The following HEATR5B variants were observed in gnomAD, a reference collection of about 807,000 sequenced individuals.
HEATR5B encodes the protein HEAT repeat containing 5B, also known as HEAT repeat-containing protein 5B.
HEATR5B carries 156 observed loss-of-function variants against 224.1 expected under a neutral mutation model. That is an observed-to-expected ratio of 0.70 (90% confidence interval 0.61 to 0.80). The LOEUF (loss-of-function observed/expected upper bound fraction) is 0.80. Ranked by LOEUF, HEATR5B falls within the 30% of genes least tolerant of loss-of-function variation. HEATR5B has a pLI of 0.00. For missense variants in HEATR5B, 2,323 were observed against 2,535.5 expected, an observed-to-expected ratio of 0.92 and a Z score of 1.80; for synonymous variants, 1,027 against 893.0, an observed-to-expected ratio of 1.15 and a Z score of -2.68.
At chr2:36,994,449 T>A (rs1341159268) in intron 33 of HEATR5B, among the ~76,000 whole-genome samples, 1 of 152,168 alleles carries the variant, frequency 6.6e-6, no homozygotes, top group South Asian at 2.1e-4. Context: ...AGGATTTCCA[T>A]AATGGAAATA....
chr2:37,072,909 A>G (rs1162283615), intron 5 of HEATR5B, among the ~76,000 whole-genome samples: 1 of 152,258 alleles, frequency 6.6e-6, no homozygotes, highest in Non-Finnish European at 1.5e-5. Context: ...TTCACTCAAG[A>G]AGAAACAGAT....
At chr2:37,027,897 G>A in intron 24 of HEATR5B, 26 bp downstream of exon 24, 1 of 1,605,640 alleles carries the variant, frequency 6.2e-7, no homozygotes, top group Non-Finnish European at 8.5e-7. Flanking sequence ...AATGCTTTGG[G>A]GAAAAAGTAC....
Position 36,981,584 on chromosome 2 carries a change from G to C in HEATR5B, c.6122C>G (p.Ala2041Gly). The C allele has an allele frequency of 1.2e-6, 2 of 1,614,190 alleles. No homozygotes were observed. Among genetic ancestry groups the C allele is most frequent in the Non-Finnish European group, 1.7e-6 (2 of 1,180,028 alleles). The change falls in exon 36 of 36, where the codon GCA (alanine) becomes GGA (glycine). Residue 2041 changes from alanine (A) to glycine (G), a missense_variant. Coordinates refer to ENST00000233099, the MANE Select transcript of HEATR5B (RefSeq NM_019024.3). Reference sequence around the variant, plus strand: ...CGCTTTAGCTTTGCTCGCTTGGCTTGCTCGAACGGCAGTTTCTAGACGCAC... The same window carrying C: ...CGCTTTAGCTTTGCTCGCTTGGCTTCCTCGAACGGCAGTTTCTAGACGCAC... ...LKVRLETAVRASQASKAKAAA... is the reference protein window; with the variant it reads ...LKVRLETAVRGSQASKAKAAA...
intron 31 of HEATR5B, 62 bp downstream of exon 31, chr2:37,003,480 A>C (rs1205378444): frequency 8.2e-7 from 1 of 1,219,486 alleles, no homozygotes; most frequent in Non-Finnish European, 1.2e-6. Context: ...TGGCGTTAAT[A>C]TTTTAAAAAT....
chr2:37,007,356 T>C (rs772880993), intron 28 of HEATR5B, 52 bp from the exon 29 acceptor site: 1 of 1,481,202 alleles, frequency 6.8e-7, no homozygotes, highest in African/African-American at 1.5e-5. Context: ...TTTTTTTTTT[T>C]TTTTTGAGAC....
At chr2:37,058,252 A>C (rs1671035932) in intron 14 of HEATR5B, among the ~76,000 whole-genome samples, 199 bp downstream of exon 14, 1 of 152,194 alleles carries the variant, frequency 6.6e-6, no homozygotes, top group South Asian at 2.1e-4. Context: ...ACAGTCAAAA[A>C]GCTAATACAA....
At chr2:37,028,561 G>A in intron 23 of HEATR5B, 120 bp downstream of exon 23, 1 of 715,496 alleles carries the variant, frequency 1.4e-6, no homozygotes, top group South Asian at 3.3e-5. Flanking sequence ...TAGATCAAAA[G>A]TTATTACTTT....
rs774357559 is a variant in HEATR5B at position 37,040,530 on chromosome 2, T to C, written c.2857-12A>G. 3.8e-6 allele frequency: 6 copies of C among 1,582,578 alleles called. No homozygotes were observed. Among genetic ancestry groups the C allele is most frequent in the Non-Finnish European group, 5.2e-6 (6 of 1,162,944 alleles). ...TGAAGAGACCAAGTCTAGAATAAAA[T>C]ATAATTTCATTTTAGTTGTAAGGAA... is the stretch of plus-strand genomic sequence containing the variant. On this transcript the variant is annotated splice_polypyrimidine_tract_variant and intron_variant, in intron 19 of 35. Transcript: ENST00000233099.
chr2:37,083,183 T>C (rs549287633), intron 2 of HEATR5B, 106 bp downstream of exon 2: 67 of 1,284,720 alleles, frequency 5.2e-5, no homozygotes, highest in Non-Finnish European at 7.0e-5. Context: ...TCAAGTTCCA[T>C]AAGTGACCCA....
At chr2:37,001,688 G>C (rs923132221) in intron 32 of HEATR5B, among the ~76,000 whole-genome samples, 2 of 148,536 alleles carry the variant, frequency 1.3e-5, no homozygotes, top group African/African-American at 5.0e-5. Context: ...TTTTTTTTGA[G>C]AGTCTTGCTC....
chr2:37,000,177 A>G (rs985763256), intron 33 of HEATR5B, among the ~76,000 whole-genome samples: 2 of 151,906 alleles, frequency 1.3e-5, no homozygotes, highest in Admixed American at 6.6e-5. Flanking sequence ...TCCCGGGTTC[A>G]AGCAATTCTC....
chr2:37,070,126 C>G (rs1328928392), intron 7 of HEATR5B, 104 bp downstream of exon 7: 1 of 1,051,454 alleles, frequency 9.5e-7, no homozygotes, highest in Non-Finnish European at 1.4e-6. Flanking sequence ...TCTCAAACTC[C>G]TGACCTCAGG....
At chr2:37,027,014 G>C (rs1668823332) in intron 24 of HEATR5B, among the ~76,000 whole-genome samples, 1 of 152,138 alleles carries the variant, frequency 6.6e-6, no homozygotes, top group Admixed American at 6.6e-5. Flanking sequence ...GGCCAGGCTG[G>C]TTTTGAACTC....
intron 5 of HEATR5B, among the ~76,000 whole-genome samples, chr2:37,074,672 A>C (rs1422924967): frequency 6.6e-6 from 1 of 152,218 alleles, no homozygotes; most frequent in Non-Finnish European, 1.5e-5. Flanking sequence ...GGAATATGTA[A>C]AAAACCTATA....
intron 1 of HEATR5B, 51 bp from the exon 2 acceptor site, chr2:37,083,487 A>T (rs1398716137): frequency 9.6e-6 from 13 of 1,361,134 alleles, no homozygotes; most frequent in Non-Finnish European, 1.3e-5. Flanking sequence ...TAATGTTAAA[A>T]GTCAAGCTTA....
intron 22 of HEATR5B, among the ~76,000 whole-genome samples, chr2:37,029,428 C>G (rs1349963831): frequency 6.6e-6 from 1 of 152,178 alleles, no homozygotes; most frequent in East Asian, 1.9e-4. Flanking sequence ...CTTTGGGAGG[C>G]TGAGGCAGGT....
chr2:37,022,259 C>T (rs1370003705), intron 24 of HEATR5B, among the ~76,000 whole-genome samples: 1 of 151,908 alleles, frequency 6.6e-6, no homozygotes, highest in Non-Finnish European at 1.5e-5. Context: ...TCACTACAAA[C>T]TCTGCCCCCA....
chr2:37,008,499 A>C, intron 28 of HEATR5B, 112 bp downstream of exon 28: 1 of 758,328 alleles, frequency 1.3e-6, no homozygotes, highest in Non-Finnish European at 2.3e-6. Context: ...CTTAAGCCAC[A>C]GAAATTTAAA....
At chr2:37,066,003 T>C in intron 8 of HEATR5B, 93 bp from the exon 9 acceptor site, 3 of 1,086,396 alleles carry the variant, frequency 2.8e-6, no homozygotes, top group Non-Finnish European at 3.9e-6. Flanking sequence ...GCCATACCAG[T>C]TGATGTCCGA....
Sources: gnomAD v4.1 joint callset for allele counts (sites outside exome capture counted in the v4.1 genomes callset) on GRCh38, gnomAD v4.1.1 for gene constraint, MANE v1.5 for transcripts, NCBI Gene and HGNC (gene_info 2026-07-23, HGNC 2026-07-21) for gene names.